ATXN7L1: variants seen among roughly 807,000 people sequenced by gnomAD.
ATXN7L1 encodes ataxin-7-like protein 1.
ATXN7L1 carries 15 observed loss-of-function variants against 70.8 expected under a neutral mutation model. The ratio of observed to expected loss-of-function variants is 0.21; its 90% confidence interval spans 0.14 to 0.33. The LOEUF (loss-of-function observed/expected upper bound fraction) is 0.33, where lower values mean the gene tolerates loss of function less well. ATXN7L1 is among the 10% of genes least tolerant of loss of function. The pLI, the probability that ATXN7L1 is intolerant of heterozygous loss-of-function variation, is 1.00. For missense variants in ATXN7L1, 975 were observed against 1,097.1 expected (o/e 0.89, Z 1.57); for synonymous variants, 440 against 445.1 (o/e 0.99, Z 0.14).
rs375582828 is a variant in ATXN7L1, at chr7:105,746,318, C to A, written c.355+42286G>T. On this transcript the variant is annotated intron_variant, in intron 3 of 11. Transcript: ENST00000419735. The stretch of plus-strand genomic sequence containing the variant: ...CAGAACCATCCAAGGGCTTCTGTGT[C>A]ACTTATAATAAAATCTGCATCCTTA... 1.1e-4 allele frequency among the ~76,000 whole-genome samples: 17 copies of A among 152,318 alleles called. No individual in the cohort carries two copies. The South Asian group carries it at 2.5e-3, about 22-fold the overall frequency.
At chr7:105,742,209 G>A (rs927822934) in intron 3 of ATXN7L1, among the ~76,000 whole-genome samples, 23 of 152,286 alleles carry the variant, frequency 1.5e-4, no homozygotes, top group South Asian at 1.0e-3. Context: ...CTCTTAACCC[G>A]CAGTTGAGAT....
chr7:105,733,568 T>TTCATCCATCCACCCA (rs1563048742), intron 3 of ATXN7L1, among the ~76,000 whole-genome samples: 1 of 25,932 alleles, frequency 3.9e-5, no homozygotes. Context: ...CCATCCATCC[T>TTCATCCATCCACCCA]TCCATCCATC....
intron 2 of ATXN7L1, chr7:105,820,006 C>A: frequency 2.2e-6 from 1 of 458,234 alleles, no homozygotes; most frequent in Non-Finnish European, 4.3e-6. Flanking sequence ...GAAGAAGAAA[C>A]AGCTCATGAG....
At chr7:105,688,582 A>C (rs936151904) in intron 3 of ATXN7L1, among the ~76,000 whole-genome samples, 9 of 151,484 alleles carry the variant, frequency 5.9e-5, no homozygotes, top group Non-Finnish European at 1.3e-4. Context: ...GGCTGTTTTC[A>C]GAGGGTCAGT....
At chr7:105,683,619 G>C (rs1278884128) in intron 3 of ATXN7L1, among the ~76,000 whole-genome samples, 1 of 152,150 alleles carries the variant, frequency 6.6e-6, no homozygotes, top group Non-Finnish European at 1.5e-5. Flanking sequence ...AGGTTGTCGT[G>C]AGCTGAGATT....
intron 9 of ATXN7L1, among the ~76,000 whole-genome samples, chr7:105,619,459 G>A (rs1794482670): frequency 8.8e-6 from 1 of 114,112 alleles, no homozygotes; most frequent in Admixed American, 9.9e-5. Context: ...GAAATCTTTA[G>A]TTTTGATATT....
intron 4 of ATXN7L1, among the ~76,000 whole-genome samples, chr7:105,645,005 T>C (rs1798775604): frequency 6.6e-6 from 1 of 152,058 alleles, no homozygotes; most frequent in African/African-American, 2.4e-5. Flanking sequence ...AAAAGACAAA[T>C]ACTGTATAAT....
chr7:105,830,580 A>C (rs1235296747), intron 2 of ATXN7L1, among the ~76,000 whole-genome samples: 3 of 152,270 alleles, frequency 2.0e-5, no homozygotes, highest in African/African-American at 4.8e-5. Context: ...CAAAACAGTA[A>C]ATCAAAAGCA....
At chr7:105,869,047 A>G (rs1308690287) in intron 2 of ATXN7L1, among the ~76,000 whole-genome samples, 2 of 152,130 alleles carry the variant, frequency 1.3e-5, no homozygotes, top group Non-Finnish European at 2.9e-5. Flanking sequence ...GTCCTTTCTC[A>G]TCTGTGTTGT....
chr7:105,767,664 G>A (rs1801458934), intron 3 of ATXN7L1, among the ~76,000 whole-genome samples: 1 of 152,184 alleles, frequency 6.6e-6, no homozygotes, highest in African/African-American at 2.4e-5. Flanking sequence ...TTTTGAGCTT[G>A]ATGAAATTGA....
chr7:105,619,530 A>T (rs1230533843), intron 9 of ATXN7L1, among the ~76,000 whole-genome samples: 2 of 15,214 alleles, frequency 1.3e-4, no homozygotes, highest in African/African-American at 5.9e-4. Flanking sequence ...ATATATATAT[A>T]TTTTTTTTTT....
intron 2 of ATXN7L1, among the ~76,000 whole-genome samples, chr7:105,835,247 C>T (rs1220405793): frequency 6.9e-6 from 1 of 145,752 alleles, no homozygotes; most frequent in Admixed American, 7.0e-5. Context: ...CTCTGCATCC[C>T]GGGCTCAGGT....
intron 5 of ATXN7L1, among the ~76,000 whole-genome samples, chr7:105,642,284 C>A (rs1798384252): frequency 6.6e-6 from 1 of 152,176 alleles, no homozygotes; most frequent in Non-Finnish European, 1.5e-5. Flanking sequence ...CCCTACTGTT[C>A]CTGTTTGGGA....
At chr7:105,693,804 C>G (rs1272729065) in intron 3 of ATXN7L1, among the ~76,000 whole-genome samples, 1 of 152,122 alleles carries the variant, frequency 6.6e-6, no homozygotes, top group Admixed American at 6.5e-5. Context: ...CAAAGTAACC[C>G]ACATTTTATT....
At chr7:105,732,907 C>T (rs895774825) in intron 3 of ATXN7L1, among the ~76,000 whole-genome samples, 2 of 152,164 alleles carry the variant, frequency 1.3e-5, no homozygotes, top group Non-Finnish European at 1.5e-5. Context: ...ATGTTACTCC[C>T]CTAAAAAACT....
At chr7:105,638,672 G>A (rs1437015262) in intron 6 of ATXN7L1, 63 bp from the exon 7 acceptor site, 6 of 1,466,080 alleles carry the variant, frequency 4.1e-6, no homozygotes, top group African/African-American at 1.4e-5. Context: ...GCTTCCCCAG[G>A]CCCTCCATTT....
At chr7:105,840,157 C>T (rs896932532) in intron 2 of ATXN7L1, among the ~76,000 whole-genome samples, 1 of 152,168 alleles carries the variant, frequency 6.6e-6, no homozygotes, top group African/African-American at 2.4e-5. Flanking sequence ...GGGCTGTATG[C>T]CAACTTCACC....
At chr7:105,659,201 A>G (rs1000194953) in intron 4 of ATXN7L1, among the ~76,000 whole-genome samples, 7 of 152,254 alleles carry the variant, frequency 4.6e-5, no homozygotes, top group Non-Finnish European at 8.8e-5. Flanking sequence ...TGAAAATGTA[A>G]AATTAACATG....
intron 3 of ATXN7L1, among the ~76,000 whole-genome samples, chr7:105,782,392 G>A (rs1486546099): frequency 6.6e-6 from 1 of 152,168 alleles, no homozygotes; most frequent in African/African-American, 2.4e-5. Flanking sequence ...GATCTCGTGG[G>A]GAGAAGTTTA....
Sources: allele counts gnomAD v4.1 joint callset (sites outside exome capture counted in the v4.1 genomes callset), GRCh38; gene constraint gnomAD v4.1.1; transcripts MANE v1.5; gene names NCBI Gene and HGNC (gene_info 2026-07-23, HGNC 2026-07-21).